The following TFB2M variants were observed in gnomAD, a reference collection of about 807,000 sequenced individuals.
TFB2M encodes transcription factor B2, mitochondrial.
TFB2M carries 44 observed loss-of-function variants against 41.3 expected under a neutral mutation model. The observed-to-expected ratio is 1.07, with a 90% CI of 0.84 to 1.37. TFB2M has a LOEUF of 1.37. TFB2M is among the 40% of genes most tolerant of loss of function. The probability of loss-of-function intolerance (pLI) is 0.00; values close to 1 mark genes in which losing one functional copy is unlikely to be tolerated. For synonymous variants in TFB2M, 188 were observed against 176.8 expected, an observed-to-expected ratio of 1.06 and a Z score of -0.50; for missense variants, 496 against 490.2, an observed-to-expected ratio of 1.01 and a Z score of -0.11.
chr1:246,556,152 T>A (rs929947134), intron 4 of TFB2M, among the ~76,000 whole-genome samples: 4 of 152,168 alleles, frequency 2.6e-5, no homozygotes, highest in Non-Finnish European at 4.4e-5. Flanking sequence ...ATAACATTGA[T>A]GAACCTTGAA....
intron 3 of TFB2M, 98 bp downstream of exon 3, chr1:246,557,283 C>T (rs563309416): frequency 7.1e-7 from 1 of 1,402,544 alleles, no homozygotes; most frequent in African/African-American, 1.5e-5. Context: ...AGAAAACAAA[C>T]AAATAAATAA....
intron 2 of TFB2M, among the ~76,000 whole-genome samples, chr1:246,561,059 T>G (rs918778713): frequency 6.6e-6 from 1 of 152,202 alleles, no homozygotes; most frequent in South Asian, 2.1e-4. Context: ...CCAGAAGCAT[T>G]ATCCGCTAAG....
chr1:246,564,199 C>T (rs1659529250), intron 2 of TFB2M, 147 bp downstream of exon 2: 1 of 657,250 alleles, frequency 1.5e-6, no homozygotes, highest in Non-Finnish European at 2.6e-6. Context: ...TAACTGTGTT[C>T]TAGTCTTTGG....
intron 6 of TFB2M, 102 bp from the exon 7 acceptor site, chr1:246,544,783 C>T: frequency 9.9e-7 from 1 of 1,012,414 alleles, no homozygotes; most frequent in Non-Finnish European, 1.4e-6. Context: ...ACACAATCAC[C>T]ACAGGCCCTG....
At position 246,561,893 on chromosome 1, in the gene TFB2M, C is replaced by CT. The variant is rs927219947; in HGVS notation, c.402+2452dup. ...ATGTAGATTAACCTTTAAATATAGG[C>CT]TTTTTTTTTTCCTCAAATCAGGATA... On this transcript the variant is annotated intron_variant, in intron 2 of 7. Coordinates refer to ENST00000366514, the MANE Select transcript of TFB2M (RefSeq NM_022366.3). Among the ~76,000 whole-genome samples, 83 of 149,688 alleles carry CT rather than the reference C, an allele frequency of 5.5e-4. 1 individual carries two copies. Among genetic ancestry groups the CT allele is most frequent in the Middle Eastern group, 3.4e-3 (1 of 290 alleles).
intron 7 of TFB2M, 94 bp from the exon 8 acceptor site, chr1:246,541,296 T>C: frequency 8.0e-7 from 1 of 1,257,180 alleles, no homozygotes; most frequent in Non-Finnish European, 1.1e-6. Context: ...GAATTCAAAA[T>C]GTCTAACTTA....
At chr1:246,556,770 G>C (rs1659334200) in intron 3 of TFB2M, 49 bp from the exon 4 acceptor site, 1 of 1,452,314 alleles carries the variant, frequency 6.9e-7, no homozygotes, top group Non-Finnish European at 9.2e-7. Flanking sequence ...TTAGCATTTT[G>C]TCCTATGTCC....
intron 4 of TFB2M, 73 bp from the exon 5 acceptor site, chr1:246,551,375 T>C: frequency 9.6e-7 from 1 of 1,038,570 alleles, no homozygotes; most frequent in African/African-American, 1.6e-5. Context: ...TGACTCTTAA[T>C]AGGACTATCT....
chr1:246,548,270 C>T (rs1381776098), intron 6 of TFB2M, among the ~76,000 whole-genome samples: 1 of 152,006 alleles, frequency 6.6e-6, no homozygotes, highest in Non-Finnish European at 1.5e-5. Context: ...ATTTTATTTT[C>T]CAAATTTGAA....
chr1:246,556,691 G>A lies in TFB2M; in HGVS notation c.587C>T (p.Pro196Leu). ...DIPLKVVGMF[P>L]SRGEKRALWK... ...AAGTGCCCTTTTCTCACCTCTACTT[G>A]GGAACATTCCAACTACTTTTAAAGG... Residue 196 changes from proline (P) to leucine (L), a missense_variant, in exon 4 of 8, where the codon CCA becomes CTA. By Grantham distance (98) the Pro-to-Leu change is moderately conservative (BLOSUM62 -3). Transcript: ENST00000366514. The A allele has an allele frequency of 6.3e-7, 1 of 1,575,414 alleles. No homozygotes were observed. Among genetic ancestry groups the A allele is most frequent in the Non-Finnish European group, 8.6e-7 (1 of 1,168,540 alleles).
rs1476670971 is a variant in TFB2M at position 246,557,421 on chromosome 1, G to C, written c.516C>G (p.Leu172=). ...IKPPAMSSRG[L]FKNLGIEAVP... The stretch of plus-strand genomic sequence containing the variant: ...CTGCTTCTATTCCCAAATTCTTAAA[G>C]AGCCCTCGAGAAGACATAGCAGGTG... The change falls in exon 3 of 8, where the codon CTC becomes CTG. Residue 172 remains leucine, a synonymous_variant. Coordinates refer to ENST00000366514, the MANE Select transcript of TFB2M (RefSeq NM_022366.3). The C allele has an allele frequency of 1.2e-6, 2 of 1,613,126 alleles. No homozygotes were observed. The highest frequency in any genetic ancestry group is 1.1e-5 in the South Asian group (1 of 90,816).
rs763087336 is a variant in TFB2M at position 246,551,318 on chromosome 1, T to TAAA, written c.706-19_706-17dup. 2 of 1,544,422 alleles carry TAAA rather than the reference T, an allele frequency of 1.3e-6. No homozygotes were observed. The highest frequency in any genetic ancestry group is 2.2e-5 in the East Asian group (1 of 44,632). On this transcript the variant is annotated splice_polypyrimidine_tract_variant and intron_variant, in intron 4 of 7. Coordinates refer to ENST00000366514, the MANE Select transcript of TFB2M (RefSeq NM_022366.3). The stretch of plus-strand genomic sequence containing the variant: ...CCATTAGTTTCTAGTAAAAGGAAAA[T>TAAA]AAAAATTACATGTTATACACATCTA...
chr1:246,564,682 T>C (rs983061505), intron 1 of TFB2M, among the ~76,000 whole-genome samples: 1 of 135,652 alleles, frequency 7.4e-6, no homozygotes, highest in Non-Finnish European at 1.6e-5. Flanking sequence ...ACCTGCACTC[T>C]TTTTTTTTTT....
Position 246,540,822 on chromosome 1 carries a change from A to C in TFB2M, c.*209T>G, listed in dbSNP as rs1658832427. ...TCTGATCAAATCCACAATTAATTGA[A>C]GTTTTCATTTTATTCAATTGTGAAT... On this transcript the variant is annotated 3_prime_UTR_variant, in exon 8 of 8. Transcript: ENST00000366514. The C allele has an allele frequency of 2.2e-6, 1 of 448,752 alleles. No individual in the cohort carries two copies. Among genetic ancestry groups the C allele is most frequent in the East Asian group, 3.5e-5 (1 of 28,326 alleles). The allele number at this position is 448,752 out of a possible 1,614,324, so 27.8% of individuals were successfully genotyped here.
chr1:246,565,729 A>G, intron 1 of TFB2M, 97 bp downstream of exon 1: 1 of 1,342,258 alleles, frequency 7.5e-7, no homozygotes, highest in Non-Finnish European at 1.0e-6. Context: ...AGAACAACAA[A>G]AAAGACCCCC....
chr1:246,562,041 C>T (rs1203717387), intron 2 of TFB2M, among the ~76,000 whole-genome samples: 1 of 152,060 alleles, frequency 6.6e-6, no homozygotes, highest in East Asian at 1.9e-4. Context: ...TTTTGGAACT[C>T]CCTCAGATTT....
intron 4 of TFB2M, among the ~76,000 whole-genome samples, 185 bp downstream of exon 4, chr1:246,556,388 T>G (rs1283890718): frequency 2.0e-5 from 3 of 152,142 alleles, no homozygotes; most frequent in South Asian, 2.1e-4. Flanking sequence ...ACAATGGGAA[T>G]GCAGTTAAAA....
At chr1:246,553,566 G>A (rs1392730401) in intron 4 of TFB2M, among the ~76,000 whole-genome samples, 3 of 152,126 alleles carry the variant, frequency 2.0e-5, no homozygotes, top group Non-Finnish European at 4.4e-5. Context: ...TACTGGGGAG[G>A]TTGAGGTGGA....
chr1:246,564,681 C>CT (rs552531866), intron 1 of TFB2M, among the ~76,000 whole-genome samples: 2,123 of 141,140 alleles, frequency 0.015, 24 homozygotes, highest in African/African-American at 0.028. Flanking sequence ...AACCTGCACT[C>CT]TTTTTTTTTT....
Sources: gnomAD v4.1 joint callset for allele counts (sites outside exome capture counted in the v4.1 genomes callset) on GRCh38, gnomAD v4.1.1 for gene constraint, MANE v1.5 for transcripts, NCBI Gene and HGNC (gene_info 2026-07-23, HGNC 2026-07-21) for gene names.